The following ZNF112 variants were observed in gnomAD, a reference collection of about 807,000 sequenced individuals.
The protein encoded by ZNF112 is zinc finger protein 112 (Y14).
A neutral mutation model predicts 77.7 loss-of-function variants in ZNF112; 37 were observed. That is an observed-to-expected ratio of 0.48 (90% CI 0.37 to 0.63). The LOEUF is 0.63. Among genes scored for constraint, ZNF112 ranks in the 20% least tolerant of loss-of-function variants. The pLI, the probability that ZNF112 is intolerant of heterozygous loss-of-function variation, is 0.00. For missense variants in ZNF112, 950 were observed against 1,077.4 expected, an observed-to-expected ratio of 0.88 and a Z score of 1.66; for synonymous variants, 333 against 363.6, an observed-to-expected ratio of 0.92 and a Z score of 0.96.
intron 1 of ZNF112, among the ~76,000 whole-genome samples, chr19:44,346,282 C>A (rs564751635): frequency 1.8e-4 from 27 of 152,308 alleles, no homozygotes; most frequent in African/African-American, 6.3e-4. Context: ...TGCCTCTGTT[C>A]TTCATCTGTA....
intron 2 of ZNF112, among the ~76,000 whole-genome samples, chr19:44,337,762 C>A (rs1401741049): frequency 1.3e-5 from 2 of 150,582 alleles, no homozygotes; most frequent in East Asian, 2.0e-4. Flanking sequence ...ATGAACATTT[C>A]TTTTGAAATA....
chr19:44,350,935 A>C (rs1438663450), intron 1 of ZNF112, among the ~76,000 whole-genome samples: 16 of 152,142 alleles, frequency 1.1e-4, no homozygotes. Context: ...TGCTGCTATA[A>C]TAAATTACCA....
At chr19:44,363,131 G>GGCT (rs1970869800) in intron 1 of ZNF112, among the ~76,000 whole-genome samples, 1 of 144,158 alleles carries the variant, frequency 6.9e-6, no homozygotes, top group Non-Finnish European at 1.5e-5. Context: ...AATCACACAT[G>GGCT]GCTAATTTTT....
intron 3 of ZNF112, among the ~76,000 whole-genome samples, chr19:44,335,620 A>C (rs1970351685): frequency 6.6e-6 from 1 of 152,190 alleles, no homozygotes; most frequent in Non-Finnish European, 1.5e-5. Context: ...TACATTTTTA[A>C]AGTGGTGTAA....
At chr19:44,340,587 A>C (rs1290473632) in intron 1 of ZNF112, 45 bp from the exon 2 acceptor site, 3 of 1,612,660 alleles carry the variant, frequency 1.9e-6, no homozygotes, top group African/African-American at 1.3e-5. Context: ...GAAGAAGGGC[A>C]GTGCTGAGAA....
intron 1 of ZNF112, among the ~76,000 whole-genome samples, chr19:44,365,087 A>G (rs994130147): frequency 4.6e-5 from 7 of 152,184 alleles, no homozygotes; most frequent in African/African-American, 1.4e-4. Flanking sequence ...AGAATCCACC[A>G]ATGAATTAAT....
At chr19:44,356,953 G>C (rs142482379), upstream of ZNF112, among the ~76,000 whole-genome samples, 80 of 152,298 alleles carry the variant, frequency 5.3e-4, 1 homozygote, top group East Asian at 0.015. Flanking sequence ...AAGACAGAGA[G>C]CTCGTATATA....
At chr19:44,350,441 T>C (rs893401741) in intron 1 of ZNF112, among the ~76,000 whole-genome samples, 1 of 152,020 alleles carries the variant, frequency 6.6e-6, no homozygotes, top group Non-Finnish European at 1.5e-5. Context: ...GAATAAGAAC[T>C]TCCCTCAAGC....
At chr19:44,365,194 C>A (rs1421052333) in intron 1 of ZNF112, among the ~76,000 whole-genome samples, 1 of 152,040 alleles carries the variant, frequency 6.6e-6, no homozygotes, top group African/African-American at 2.4e-5. Context: ...TGTCTCAAGC[C>A]TGTAATCCCA....
chr19:44,327,439 C>T lies in ZNF112; in HGVS notation c.2718G>A (p.Leu906=), dbSNP rs748415011. 6.3e-7 allele frequency: 1 copy of T among 1,589,412 alleles called. No homozygotes were observed. Among genetic ancestry groups the T allele is most frequent in the South Asian group, 1.1e-5 (1 of 87,578 alleles). The change falls in exon 4 of 4, where the codon TTG becomes TTA. Residue 906 remains leucine, a synonymous_variant. Coordinates refer to ENST00000354340, the MANE Select transcript of ZNF112 (RefSeq NM_013380.4). ...CAGCTCCCATTTGAGGACTTCAAAA[C>T]AAAACAGAATCTTCATTTCTGTGTA... ...ENLHRNEDSV[L]F is the part of the protein sequence containing the mutation.
intron 1 of ZNF112, among the ~76,000 whole-genome samples, chr19:44,365,027 C>T (rs1181773522): frequency 1.3e-5 from 2 of 152,058 alleles, no homozygotes; most frequent in African/African-American, 4.8e-5. Flanking sequence ...CTTCCCTTTT[C>T]GTTTCTGGGT....
chr19:44,356,316 G>T (rs1321963708), intron 1 of ZNF112, among the ~76,000 whole-genome samples: 2 of 151,190 alleles, frequency 1.3e-5, no homozygotes, highest in Admixed American at 1.3e-4. Context: ...GAGAGATTAA[G>T]ATACTCGCCT....
intron 1 of ZNF112, among the ~76,000 whole-genome samples, chr19:44,355,125 G>A (rs1453018122): frequency 1.3e-5 from 2 of 151,836 alleles, no homozygotes; most frequent in African/African-American, 4.8e-5. Flanking sequence ...AAAGGTTGAA[G>A]CTGGGTGACG....
chr19:44,359,315 CTTTTTTTTTTTT>C (rs767955186), upstream of ZNF112, among the ~76,000 whole-genome samples: 7 of 54,834 alleles, frequency 1.3e-4, no homozygotes, highest in East Asian at 1.0e-3. Flanking sequence ...TATTAGAGTT[CTTTTTTTTTTTT>C]TTTTTTTTTT....
At chr19:44,348,696 G>A (rs904166144) in intron 1 of ZNF112, among the ~76,000 whole-genome samples, 17 of 152,052 alleles carry the variant, frequency 1.1e-4, no homozygotes, top group African/African-American at 4.1e-4. Flanking sequence ...CAGTGAAGTG[G>A]AAATGCTTCT....
At position 44,329,019 on chromosome 19, in the gene ZNF112, G is replaced by A; in HGVS notation, c.1138C>T (p.Pro380Ser). Residue 380 changes from proline (P) to serine (S), a missense_variant, in exon 4 of 4, where the codon CCC becomes TCC. Physicochemically the swap from Pro to Ser is moderately conservative, Grantham distance 74. Coordinates refer to ENST00000354340, the MANE Select transcript of ZNF112 (RefSeq NM_013380.4). Reference sequence around the variant, plus strand: ...TTCTCATTTTCCTCATATTCATGGGGTTCATCCCTAGTATGGACCCTAAAA... The same window carrying A: ...TTCTCATTTTCCTCATATTCATGGGATTCATCCCTAGTATGGACCCTAAAA... ...SIFRVHTRDE[P>S]HEYEENENVF... 1 of 1,613,878 alleles carries A rather than the reference G, an allele frequency of 6.2e-7. No homozygotes were observed. The highest frequency in any genetic ancestry group is 8.5e-7 in the Non-Finnish European group (1 of 1,179,948).
chr19:44,330,439 T>C (rs951361679), intron 3 of ZNF112, among the ~76,000 whole-genome samples: 13 of 152,124 alleles, frequency 8.5e-5, no homozygotes, highest in African/African-American at 3.1e-4. Context: ...AAAGGCTTAG[T>C]AAAACCATAA....
chr19:44,329,064 T>G lies in ZNF112; in HGVS notation c.1093A>C (p.Ser365Arg). 6.2e-7 allele frequency: 1 copy of G among 1,613,956 alleles called. No homozygotes were observed. Among genetic ancestry groups the G allele is most frequent in the Non-Finnish European group, 8.5e-7 (1 of 1,179,980 alleles). The change falls in exon 4 of 4, where the codon AGC becomes CGC. Residue 365 changes from serine to arginine, a missense_variant. Physicochemically the swap from Ser to Arg is moderately radical, Grantham distance 110. Coordinates refer to ENST00000354340, the MANE Select transcript of ZNF112 (RefSeq NM_013380.4). ...HNIYEKAFSH[S>R]LDLNSIFRVH... Reference sequence around the variant, plus strand: ...CTAAAAATACTATTAAGGTCTAAGCTATGACTGAAGGCTTTCTCATAAATG... The same window carrying G: ...CTAAAAATACTATTAAGGTCTAAGCGATGACTGAAGGCTTTCTCATAAATG...
At position 44,328,279 on chromosome 19, in the gene ZNF112, A is replaced by T. The variant is rs925933529; in HGVS notation, c.1878T>A (p.Thr626=). The part of the protein sequence containing the change: ...SHLQGHQRVH[T]GEKPFKCEEC... ...CCTCACATTTGAATGGTTTTTCTCCAGTGTGGACTCTCTGATGGCCTTGAA... is the reference window on the plus strand; with the variant it reads ...CCTCACATTTGAATGGTTTTTCTCCTGTGTGGACTCTCTGATGGCCTTGAA... Residue 626 remains threonine (T), a synonymous_variant, in exon 4 of 4, where the codon ACT becomes ACA. Coordinates refer to ENST00000354340, the MANE Select transcript of ZNF112 (RefSeq NM_013380.4). 24 of 1,613,050 alleles carry T rather than the reference A, an allele frequency of 1.5e-5. No individual in the cohort carries two copies. Among genetic ancestry groups the T allele is most frequent in the Non-Finnish European group, 1.9e-5 (22 of 1,179,710 alleles).
Sources: gnomAD v4.1 joint callset for allele counts (sites outside exome capture counted in the v4.1 genomes callset) on GRCh38, gnomAD v4.1.1 for gene constraint, MANE v1.5 for transcripts, NCBI Gene and HGNC (gene_info 2026-07-23, HGNC 2026-07-21) for gene names.